The following GRIA4 variants were observed in gnomAD, a reference collection of about 807,000 sequenced individuals.
GRIA4 encodes the protein glutamate ionotropic receptor AMPA type subunit 4, also known as glutamate receptor 4.
Under a neutral mutation model 104.0 loss-of-function variants are expected in GRIA4, and 34 were observed. The ratio of observed to expected loss-of-function variants is 0.33; its 90% confidence interval spans 0.25 to 0.44. The LOEUF (loss-of-function observed/expected upper bound fraction) is 0.44. Among genes scored for constraint, GRIA4 ranks in the 20% least tolerant of loss-of-function variants. The pLI is 1.00. For synonymous variants in GRIA4, 386 were observed against 381.9 expected (o/e 1.01, Z -0.13); for missense variants, 750 against 1,096.5 (o/e 0.68, Z 4.46).
chr11:105,626,953 A>C (rs990913076), intron 3 of GRIA4, among the ~76,000 whole-genome samples: 5 of 152,148 alleles, frequency 3.3e-5, no homozygotes. Context: ...TAGATATTCC[A>C]CACCAGTCCT....
intron 4 of GRIA4, among the ~76,000 whole-genome samples, chr11:105,794,583 T>A (rs1008461025): frequency 1.4e-5 from 2 of 143,836 alleles, no homozygotes; most frequent in Admixed American, 7.0e-5. Context: ...TCTATATATA[T>A]CTCTCTCATA....
At chr11:105,855,521 AGTT>A (rs1436300142) in intron 4 of GRIA4, among the ~76,000 whole-genome samples, 5 of 152,252 alleles carry the variant, frequency 3.3e-5, no homozygotes, top group Middle Eastern at 3.4e-3. Context: ...TAAAAGAAAA[AGTT>A]GTACTTTATG....
intron 4 of GRIA4, among the ~76,000 whole-genome samples, chr11:105,764,904 G>A (rs961154851): frequency 6.6e-6 from 1 of 152,030 alleles, no homozygotes; most frequent in Non-Finnish European, 1.5e-5. Context: ...ATGGGAACAA[G>A]GTAGATTTAC....
At chr11:105,634,737 T>C (rs1951159911) in intron 3 of GRIA4, among the ~76,000 whole-genome samples, 2 of 152,206 alleles carry the variant, frequency 1.3e-5, no homozygotes, top group South Asian at 4.1e-4. Context: ...CATTTTCAAA[T>C]CTTCAGATTC....
chr11:105,876,258 A>T (rs1945816594), intron 5 of GRIA4, among the ~76,000 whole-genome samples: 1 of 152,068 alleles, frequency 6.6e-6, no homozygotes, highest in Admixed American at 6.6e-5. Context: ...TTCTAGTTTG[A>T]GTTCACTGTG....
intron 10 of GRIA4, among the ~76,000 whole-genome samples, chr11:105,913,785 A>G (rs561974924): frequency 6.6e-6 from 1 of 152,070 alleles, no homozygotes; most frequent in Non-Finnish European, 1.5e-5. Context: ...CTTATGATGC[A>G]TTGCTCAACT....
intron 4 of GRIA4, among the ~76,000 whole-genome samples, chr11:105,761,100 A>C (rs574464627): frequency 2.0e-5 from 3 of 152,268 alleles, no homozygotes; most frequent in East Asian, 3.9e-4. Flanking sequence ...CAGATTTGTC[A>C]ATTTCTTACT....
At position 105,681,519 on chromosome 11, in the gene GRIA4, T is replaced by C. The variant is rs116446561; in HGVS notation, c.247+69085T>C. On this transcript the variant is annotated intron_variant, in intron 3 of 16. Transcript: ENST00000282499. ...AGCTCCATAAGATCAAGTGTTTTGG[T>C]TCATGATTAAATCTCAGTGTCTATC... Among the ~76,000 whole-genome samples, 387 of 152,276 alleles carry C rather than the reference T, an allele frequency of 2.5e-3. 2 individuals are homozygous for C. The highest frequency in any genetic ancestry group is 8.4e-3 in the African/African-American group (349 of 41,556).
At chr11:105,815,485 C>G (rs1943338590) in intron 4 of GRIA4, among the ~76,000 whole-genome samples, 1 of 152,096 alleles carries the variant, frequency 6.6e-6, no homozygotes, top group Non-Finnish European at 1.5e-5. Flanking sequence ...TTTCATCTGT[C>G]CTCTCACCTG....
intron 4 of GRIA4, among the ~76,000 whole-genome samples, chr11:105,821,573 C>T (rs1339463789): frequency 6.6e-6 from 1 of 151,902 alleles, no homozygotes; most frequent in Non-Finnish European, 1.5e-5. Flanking sequence ...CCACATTTTA[C>T]AACCACCAGA....
At chr11:105,862,596 G>C (rs1251674742) in intron 5 of GRIA4, 2 of 175,126 alleles carry the variant, frequency 1.1e-5, no homozygotes, top group African/African-American at 4.8e-5. Flanking sequence ...CTTTAGAGAA[G>C]TGCTACATGA....
chr11:105,803,173 C>T (rs1942794830), intron 4 of GRIA4, among the ~76,000 whole-genome samples: 1 of 151,854 alleles, frequency 6.6e-6, no homozygotes, highest in Non-Finnish European at 1.5e-5. Flanking sequence ...TATTTTTATA[C>T]ATCTAATGGG....
chr11:105,893,650 C>A (rs927623259), intron 6 of GRIA4, among the ~76,000 whole-genome samples: 1 of 152,156 alleles, frequency 6.6e-6, no homozygotes, highest in Admixed American at 6.6e-5. Context: ...GATGATTTTT[C>A]TGAAGGCTGC....
chr11:105,714,831 G>A (rs1954036866), intron 3 of GRIA4, among the ~76,000 whole-genome samples: 1 of 152,066 alleles, frequency 6.6e-6, no homozygotes, highest in Non-Finnish European at 1.5e-5. Flanking sequence ...TCGTGTGTGT[G>A]TGTGTTCTGG....
intron 3 of GRIA4, among the ~76,000 whole-genome samples, chr11:105,629,116 A>G (rs57833328): frequency 0.022 from 3,245 of 149,944 alleles, 67 homozygotes; most frequent in East Asian, 0.044. Context: ...TGCCACTGCT[A>G]TATAGTCCCA....
chr11:105,634,217 C>T (rs940825316), intron 3 of GRIA4, among the ~76,000 whole-genome samples: 10 of 151,818 alleles, frequency 6.6e-5, no homozygotes, highest in Admixed American at 4.6e-4. Context: ...TGTGGTGGCA[C>T]GCACTTGTAG....
chr11:105,901,788 T>C (rs1946866571), intron 7 of GRIA4, among the ~76,000 whole-genome samples: 1 of 152,212 alleles, frequency 6.6e-6, no homozygotes, highest in Non-Finnish European at 1.5e-5. Context: ...GTGCATTTGC[T>C]TTTTGGTGCC....
At chr11:105,709,750 G>A (rs970430340) in intron 3 of GRIA4, among the ~76,000 whole-genome samples, 2 of 152,118 alleles carry the variant, frequency 1.3e-5, no homozygotes, top group African/African-American at 4.8e-5. Context: ...TATTGGTGGA[G>A]GTTTGATACT....
At chr11:105,963,533 G>A (rs72981928) in intron 14 of GRIA4, among the ~76,000 whole-genome samples, 9,878 of 152,098 alleles carry the variant, frequency 0.065, 446 homozygotes, top group East Asian at 0.15. Context: ...ATATATGATG[G>A]TATTAAGTGG....
Sources: gnomAD v4.1 joint callset for allele counts (sites outside exome capture counted in the v4.1 genomes callset) on GRCh38, gnomAD v4.1.1 for gene constraint, MANE v1.5 for transcripts, NCBI Gene and HGNC (gene_info 2026-07-23, HGNC 2026-07-21) for gene names.